Variants in MYLK observed in about 807,000 individuals in gnomAD.
MYLK encodes the protein myosin light chain kinase.
A neutral mutation model predicts 203.4 loss-of-function variants in MYLK; 106 were observed. The observed-to-expected ratio is 0.52, with a 90% CI of 0.45 to 0.61. The LOEUF (loss-of-function observed/expected upper bound fraction) is 0.61. Ranked by LOEUF, MYLK falls within the 20% of genes least tolerant of loss-of-function variation. The probability of loss-of-function intolerance (pLI) is 0.00; values close to 1 mark genes in which losing one functional copy is unlikely to be tolerated. For missense variants in MYLK, 2,072 were observed against 2,442.3 expected (o/e 0.85, Z 3.20); for synonymous variants, 867 against 959.5 (o/e 0.90, Z 1.78).
chr3:123,773,867 A>C (rs1039467402), intron 4 of MYLK, among the ~76,000 whole-genome samples: 1 of 152,244 alleles, frequency 6.6e-6, no homozygotes, highest in Non-Finnish European at 1.5e-5. Context: ...CAAGAACTCA[A>C]GTCAGTGGCT....
chr3:123,793,832 C>T lies in MYLK; in HGVS notation c.10G>A (p.Val4Met). The change falls in exon 4 of 34, where the codon GTG (valine) becomes ATG (methionine). Residue 4 changes from valine to methionine, a missense_variant. This residue lies in a region of MYLK where 683 missense variants were observed against 643.8 expected (regional missense o/e 1.06). Transcript: ENST00000360304. ...ATGTGTGACGAGGCAACCAGCTTCA[C>T]ATCCCCCATGGTCTGCAAAAAGGAA... MGD[V>M]KLVASSHISK... 6.2e-7 allele frequency: 1 copy of T among 1,614,218 alleles called. No individual in the cohort carries two copies. The highest frequency in any genetic ancestry group is 8.5e-7 in the Non-Finnish European group (1 of 1,180,032).
In MYLK at chr3:123,612,596, T is replaced by C. The variant is rs970511770; in HGVS notation, c.*1509A>G. ...AATACTGTGGCTATCATGAAAAATATTGTAACTATTTTAAAAGCAAAAGGA... is the reference window on the plus strand; with the variant it reads ...AATACTGTGGCTATCATGAAAAATACTGTAACTATTTTAAAAGCAAAAGGA... On this transcript the variant is annotated 3_prime_UTR_variant, in exon 34 of 34. Transcript: ENST00000360304. 26 of 152,696 alleles carry C rather than the reference T, an allele frequency of 1.7e-4. No homozygotes were observed. Among genetic ancestry groups the C allele is most frequent in the African/African-American group, 5.8e-4 (24 of 41,546 alleles). 9.5% of individuals were successfully genotyped at this position (152,696 alleles called of 1,614,324 possible).
At chr3:123,833,027 G>A (rs996504569) in intron 2 of MYLK, among the ~76,000 whole-genome samples, 2 of 152,034 alleles carry the variant, frequency 1.3e-5, no homozygotes, top group Non-Finnish European at 2.9e-5. Context: ...AAAAGGAAAC[G>A]GGAGAGACGG....
rs1560011942 is a variant in MYLK, at chr3:123,647,205, C to G, written c.4619+19G>C. On this transcript the variant is annotated intron_variant, in intron 27 of 33. Coordinates refer to ENST00000360304, the MANE Select transcript of MYLK (RefSeq NM_053025.4). ...GGGGCTCCCTGTGGTGCCCACGCTG[C>G]TGGCAGTGGGCCACTCACATCTCCA... The G allele has an allele frequency of 6.2e-7, 1 of 1,611,868 alleles. No homozygotes were observed. Among genetic ancestry groups the G allele is most frequent in the Non-Finnish European group, 8.5e-7 (1 of 1,178,442 alleles).
chr3:123,793,553 A>T, intron 4 of MYLK, 124 bp downstream of exon 4: 2 of 1,102,616 alleles, frequency 1.8e-6, no homozygotes, highest in Middle Eastern at 3.0e-4. Context: ...TTCGTTTTAC[A>T]TGAAGGTCCA....
chr3:123,752,500 T>A lies in MYLK; in HGVS notation c.204A>T (p.Arg68Ser). The change falls in exon 5 of 34, where the codon AGA (arginine) becomes AGT (serine). Residue 68 changes from arginine (R) to serine (S), a missense_variant. Transcript: ENST00000360304. Reference protein sequence around the residue: ...GYPEPQVTWHRNGQPITSGGR... With the variant: ...GYPEPQVTWHSNGQPITSGGR... ...CCCCGCTGGTGATGGGTTGCCCGTT[T>A]CTGTGCCATGTCACCTGGGGCTCTG... 6.2e-7 allele frequency: 1 copy of A among 1,614,056 alleles called. No homozygotes were observed. The highest frequency in any genetic ancestry group is 8.5e-7 in the Non-Finnish European group (1 of 1,180,022).
intron 23 of MYLK, among the ~76,000 whole-genome samples, chr3:123,660,417 G>A (rs544754216): frequency 1.2e-4 from 19 of 152,210 alleles, no homozygotes; most frequent in South Asian, 8.3e-4. Flanking sequence ...TGCTTTTCTC[G>A]TGCTGGGTGA....
In MYLK at chr3:123,709,909, C is replaced by T; in HGVS notation, c.1805-16G>A. On this transcript the variant is annotated splice_polypyrimidine_tract_variant and intron_variant, in intron 13 of 33. Transcript: ENST00000360304. ...CTCTTCTTTTCTGTGTGGTAGAAAA[C>T]AGAACGTGGGGTGAACATTCATGCA... The T allele has an allele frequency of 3.1e-6, 5 of 1,613,798 alleles. No individual in the cohort carries two copies. The highest frequency in any genetic ancestry group is 4.2e-6 in the Non-Finnish European group (5 of 1,179,946).
At chr3:123,649,689 G>A (rs1353406013) in intron 24 of MYLK, among the ~76,000 whole-genome samples, 1 of 152,212 alleles carries the variant, frequency 6.6e-6, no homozygotes, top group Admixed American at 6.5e-5. Context: ...ATATTACACA[G>A]AAGGCATGGT....
intron 13 of MYLK, among the ~76,000 whole-genome samples, chr3:123,719,519 G>A (rs2062016536): frequency 1.3e-5 from 2 of 152,234 alleles, no homozygotes; most frequent in Admixed American, 6.5e-5. Flanking sequence ...CATACCTATG[G>A]AGGGTGTGTG....
chr3:123,647,603 C>T (rs538940582), intron 26 of MYLK, among the ~76,000 whole-genome samples, 176 bp from the exon 27 acceptor site: 279 of 152,306 alleles, frequency 1.8e-3, no homozygotes, highest in African/African-American at 6.2e-3. Flanking sequence ...AGCTTTTGTG[C>T]TACAGTGGCA....
In MYLK at chr3:123,642,762, C is replaced by A. The variant is rs1390361070; in HGVS notation, c.4620-2258G>T. ...GCAGATTAAAAACAGCCTCACCTCA[C>A]AGGGTGGCTTCAAAGACTAAATGAG... is the stretch of plus-strand genomic sequence containing the variant. On this transcript the variant is annotated intron_variant, in intron 27 of 33. Coordinates refer to ENST00000360304, the MANE Select transcript of MYLK (RefSeq NM_053025.4). The surrounding 1 kb of genome is among the most constrained non-coding windows in gnomAD (Gnocchi z 4.2). 6.6e-6 allele frequency among the ~76,000 whole-genome samples: 1 copy of A among 152,238 alleles called. No homozygotes were observed. Among genetic ancestry groups the A allele is most frequent in the Non-Finnish European group, 1.5e-5 (1 of 68,046 alleles).
chr3:123,732,893 C>T lies in MYLK; in HGVS notation c.1516+3G>A, dbSNP rs751304037. 1 of 1,613,186 alleles carries T rather than the reference C, an allele frequency of 6.2e-7. No individual in the cohort carries two copies. Among genetic ancestry groups the T allele is most frequent in the Non-Finnish European group, 8.5e-7 (1 of 1,179,342 alleles). ...GCGGGGTGACCTGGAGAAGTGTACT[C>T]ACTTTCCACTTGGAGGGTCCAGCTA... On this transcript the variant is annotated splice_donor_region_variant and intron_variant, in intron 11 of 33. Coordinates refer to ENST00000360304, the MANE Select transcript of MYLK (RefSeq NM_053025.4).
At chr3:123,788,853 C>T (rs61378745) in intron 4 of MYLK, among the ~76,000 whole-genome samples, 7,089 of 152,118 alleles carry the variant, frequency 0.047, 535 homozygotes, top group African/African-American at 0.16. Context: ...CAGTGTGAGC[C>T]GAAACCTCAT....
intron 1 of MYLK, among the ~76,000 whole-genome samples, chr3:123,877,109 A>G (rs1332665801): frequency 6.6e-6 from 1 of 152,208 alleles, no homozygotes; most frequent in African/African-American, 2.4e-5. Context: ...AATCAAACAG[A>G]CAAGTGAAGA....
At chr3:123,855,490 T>C (rs755204327) in intron 2 of MYLK, among the ~76,000 whole-genome samples, 2 of 151,960 alleles carry the variant, frequency 1.3e-5, no homozygotes, top group African/African-American at 2.4e-5. Context: ...GGCCTCATCC[T>C]GTCACCCAGG....
At chr3:123,659,816 C>T in intron 23 of MYLK, 1 of 382,338 alleles carries the variant, frequency 2.6e-6, no homozygotes, top group South Asian at 2.0e-5. Context: ...CCTCTGAATT[C>T]TCCCAGGGCT....
At position 123,614,067 on chromosome 3, in the gene MYLK, T is replaced by G; in HGVS notation, c.*38A>C. ...TTTGAGTTTTAGAGAAATAGTCCTT[T>G]TAATATGACTTAGAAACTGCTTTTC... On this transcript the variant is annotated 3_prime_UTR_variant, in exon 34 of 34. Transcript: ENST00000360304. 1 of 1,609,844 alleles carries G rather than the reference T, an allele frequency of 6.2e-7. No individual in the cohort carries two copies. The highest frequency in any genetic ancestry group is 8.5e-7 in the Non-Finnish European group (1 of 1,178,188).
intron 10 of MYLK, among the ~76,000 whole-genome samples, 177 bp downstream of exon 10, chr3:123,733,510 C>A (rs1413979469): frequency 6.6e-6 from 1 of 152,124 alleles, no homozygotes; most frequent in Non-Finnish European, 1.5e-5. Flanking sequence ...GAATAAAGGG[C>A]ATTTCTACAA....
Sources: gnomAD v4.1 joint callset for allele counts (sites outside exome capture counted in the v4.1 genomes callset) on GRCh38, gnomAD v4.1.1 for gene constraint, gnomAD v4.1.1 regional missense constraint, Gnocchi (gnomAD v3.1) non-coding constraint, MANE v1.5 for transcripts, NCBI Gene and HGNC (gene_info 2026-07-23, HGNC 2026-07-21) for gene names.